HTT: variants seen among roughly 807,000 people sequenced by gnomAD.
The protein encoded by HTT is huntington disease protein.
Under a neutral mutation model 362.3 loss-of-function variants are expected in HTT, and 104 were observed. The observed-to-expected ratio is 0.29, with a 90% confidence interval of 0.24 to 0.34. The LOEUF is 0.34. Ranked by LOEUF, HTT falls within the 10% of genes least tolerant of loss-of-function variation. The pLI, the probability that HTT is intolerant of heterozygous loss-of-function variation, is 1.00. For missense variants in HTT, 3,301 were observed against 3,928.6 expected (o/e 0.84, Z 4.27); for synonymous variants, 1,577 against 1,548.7 (o/e 1.02, Z -0.43).
At chr4:3,180,467 TG>T in intron 35 of HTT, 47 bp from the exon 36 acceptor site, 1 of 1,510,656 alleles carries the variant, frequency 6.6e-7, no homozygotes, top group Non-Finnish European at 8.9e-7. Flanking sequence ...GTTTTCCAAA[TG>T]TAATTTCCAT....
Position 3,220,183 on chromosome 4 carries a change from T to G in HTT, c.7244T>G (p.Val2415Gly), listed in dbSNP as rs1297006777. 5 of 1,613,968 alleles carry G rather than the reference T, an allele frequency of 3.1e-6. No individual in the cohort carries two copies. Among genetic ancestry groups the G allele is most frequent in the Non-Finnish European group, 4.2e-6 (5 of 1,179,990 alleles). The change falls in exon 53 of 67, where the codon GTG becomes GGG. Residue 2415 changes from valine to glycine, a missense_variant and splice_region_variant. Val to Gly is a moderately radical substitution (Grantham distance 109). Coordinates refer to ENST00000355072, the MANE Select transcript of HTT (RefSeq NM_001388492.1). ...VNSYTRVPPL[V>G]WKLGWSPKPG... The stretch of plus-strand genomic sequence containing the variant: ...GTCACTTCCTTTTCATCTTCTCAGG[T>G]GTGGAAGCTTGGATGGTCACCCAAA...
chr4:3,212,762 G>A, intron 49 of HTT, 53 bp downstream of exon 49: 1 of 1,589,806 alleles, frequency 6.3e-7, no homozygotes. Flanking sequence ...GCATGGGGCT[G>A]ACACTGAAGA....
In HTT at chr4:3,132,681, C is replaced by T. The variant is rs749307525; in HGVS notation, c.2356C>T (p.His786Tyr). ...ICSILSRSRF[H>Y]VGDWMGTIRT... is the part of the protein sequence containing the mutation. ...CTCCATCCTCAGCAGGTCCCGCTTC[C>T]ACGTGGGAGATTGGATGGGCACCAT... The change falls in exon 17 of 67, where the codon CAC becomes TAC. Residue 786 changes from histidine to tyrosine, a missense_variant. Physicochemically the swap from His to Tyr is moderately conservative, Grantham distance 83. Around this residue, in one of 4 missense-constraint regions of HTT, gnomAD observed 2,316 missense variants for 2,658.5 expected, o/e 0.87. Transcript: ENST00000355072. 1.2e-6 allele frequency: 2 copies of T among 1,614,176 alleles called. No homozygotes were observed. Among genetic ancestry groups the T allele is most frequent in the Admixed American group, 1.7e-5 (1 of 60,024 alleles).
chr4:3,203,877 T>C, intron 41 of HTT, 130 bp from the exon 42 acceptor site: 1 of 818,452 alleles, frequency 1.2e-6, no homozygotes, highest in Non-Finnish European at 2.0e-6. Flanking sequence ...CATACAACAT[T>C]CTGATATGGC....
At chr4:3,121,139 A>T in intron 8 of HTT, 89 bp from the exon 9 acceptor site, 1 of 860,052 alleles carries the variant, frequency 1.2e-6, no homozygotes, top group Non-Finnish European at 1.9e-6. Flanking sequence ...AACTTTGTCA[A>T]TGAAGTCCTA....
chr4:3,074,776 C>T lies in HTT; in HGVS notation c.-50C>T, dbSNP rs1461015292. 1 of 1,498,396 alleles carries T rather than the reference C, an allele frequency of 6.7e-7. No homozygotes were observed. The highest frequency in any genetic ancestry group is 8.9e-7 in the Non-Finnish European group (1 of 1,129,004). 92.8% of individuals were successfully genotyped at this position (1,498,396 alleles called of 1,614,324 possible). A position where few individuals can be genotyped will look rare whatever the true frequency, so the allele number is the denominator to read the frequency against. ...ATTGCCCCGGTGCTGAGCGGCGCCGCGAGTCGGCCCGAGGCCTCCGGGGAC... is the reference window on the plus strand; with the variant it reads ...ATTGCCCCGGTGCTGAGCGGCGCCGTGAGTCGGCCCGAGGCCTCCGGGGAC... On this transcript the variant is annotated 5_prime_UTR_variant, in exon 1 of 67. Transcript: ENST00000355072.
intron 26 of HTT, among the ~76,000 whole-genome samples, chr4:3,151,157 C>A (rs533622276): frequency 6.6e-6 from 1 of 151,890 alleles, no homozygotes; most frequent in Non-Finnish European, 1.5e-5. Context: ...CTCATAGGAG[C>A]GTGTATGAGT....
At chr4:3,175,898 C>T (rs1394671670) in intron 33 of HTT, among the ~76,000 whole-genome samples, 2 of 152,128 alleles carry the variant, frequency 1.3e-5, no homozygotes, top group African/African-American at 4.8e-5. Context: ...TCTGTTAATC[C>T]TGTCAGCACT....
intron 29 of HTT, among the ~76,000 whole-genome samples, chr4:3,160,917 A>T (rs1370496401): frequency 6.6e-6 from 1 of 151,768 alleles, no homozygotes; most frequent in African/African-American, 2.4e-5. Context: ...AGTTTTATTT[A>T]TATTTGTTTA....
Position 3,215,209 on chromosome 4 carries a change from AGAGT to A in HTT, c.7053_7054+2del. On this transcript the variant is annotated splice_donor_variant and coding_sequence_variant, in exon 51 of 67. Transcript: ENST00000355072. LOFTEE classifies it high-confidence loss of function. ...GAGGAGGAAGTAGATCCAAACACAC[AGAGT>A]AAGTCTCAGGACCCATTTTTTTCTT... is the stretch of plus-strand genomic sequence containing the variant. 1 of 1,611,612 alleles carries A rather than the reference AGAGT, an allele frequency of 6.2e-7. No individual in the cohort carries two copies. Among genetic ancestry groups the A allele is most frequent in the Non-Finnish European group, 8.5e-7 (1 of 1,178,104 alleles).
intron 57 of HTT, among the ~76,000 whole-genome samples, chr4:3,226,252 C>T (rs966032869): frequency 2.0e-5 from 3 of 152,122 alleles, no homozygotes; most frequent in African/African-American, 7.2e-5. Context: ...GCAGACAGCT[C>T]GGCCACTTCC....
chr4:3,076,053 G>A (rs1193627326), intron 1 of HTT, among the ~76,000 whole-genome samples: 1 of 152,134 alleles, frequency 6.6e-6, no homozygotes, highest in Non-Finnish European at 1.5e-5. Context: ...GAATACGGGG[G>A]GTCCGCAGAC....
chr4:3,233,401 T>C (rs1470595389), intron 61 of HTT, 48 bp downstream of exon 61: 8 of 1,536,864 alleles, frequency 5.2e-6, no homozygotes, highest in Admixed American at 1.7e-5. Context: ...CAGAATGAGC[T>C]GTGAAGGAAG....
chr4:3,174,679 G>C (rs754072456), intron 31 of HTT, 42 bp from the exon 32 acceptor site: 4 of 1,442,544 alleles, frequency 2.8e-6, no homozygotes, highest in Non-Finnish European at 3.9e-6. Flanking sequence ...ATTATTTAAA[G>C]ATATTCTCAT....
chr4:3,106,882 T>A (rs1372004244), intron 5 of HTT, among the ~76,000 whole-genome samples: 1 of 152,236 alleles, frequency 6.6e-6, no homozygotes, highest in Non-Finnish European at 1.5e-5. Context: ...CTGCTCTGTG[T>A]CCTACACATT....
intron 24 of HTT, among the ~76,000 whole-genome samples, chr4:3,146,518 A>G (rs1716611308): frequency 6.6e-6 from 1 of 152,210 alleles, no homozygotes; most frequent in Non-Finnish European, 1.5e-5. Flanking sequence ...TCTCCAGTTC[A>G]GCAGAACCAT....
Position 3,180,519 on chromosome 4 carries a change from A to G in HTT, c.4617A>G (p.Ile1539Met). The G allele has an allele frequency of 6.2e-7, 1 of 1,601,650 alleles. No individual in the cohort carries two copies. The highest frequency in any genetic ancestry group is 8.5e-7 in the Non-Finnish European group (1 of 1,174,340). ...ASGRKAVTHA[I>M]PALQPIVHDL... is the part of the protein sequence containing the mutation. ...GGTACCCTTTTGTCCCCACAGCCAT[A>G]CCGGCTCTGCAGCCCATAGTCCACG... The change falls in exon 36 of 67, where the codon ATA (isoleucine) becomes ATG (methionine). Residue 1539 changes from isoleucine (I) to methionine (M), a missense_variant. Transcript: ENST00000355072.
At position 3,220,311 on chromosome 4, in the gene HTT, A is replaced by G. The variant is rs1043853139; in HGVS notation, c.7369+3A>G. The G allele has an allele frequency of 2.0e-5, 32 of 1,612,026 alleles. 1 individual carries two copies. Among genetic ancestry groups the G allele is most frequent in the Non-Finnish European group, 8.5e-7 (1 of 1,178,346 alleles). Reference sequence around the variant, plus strand: ...CATCTACCGCATCAACACACTAGGTACTCTTGGGGCCTCTCCTTCAGGTCA... The same window carrying G: ...CATCTACCGCATCAACACACTAGGTGCTCTTGGGGCCTCTCCTTCAGGTCA... On this transcript the variant is annotated splice_donor_region_variant and intron_variant, in intron 53 of 66. Coordinates refer to ENST00000355072, the MANE Select transcript of HTT (RefSeq NM_001388492.1).
chr4:3,125,418 TTA>T, intron 10 of HTT, 129 bp from the exon 11 acceptor site: 1 of 583,530 alleles, frequency 1.7e-6, no homozygotes, highest in Non-Finnish European at 3.0e-6. Flanking sequence ...ATAAAAATAC[TTA>T]TATATGATGA....
Sources: allele counts gnomAD v4.1 joint callset (sites outside exome capture counted in the v4.1 genomes callset), GRCh38; gene constraint gnomAD v4.1.1; regional missense constraint gnomAD v4.1.1; transcripts MANE v1.5; gene names NCBI Gene and HGNC (gene_info 2026-07-23, HGNC 2026-07-21).